The following GRID2IP variants were observed in gnomAD, a reference collection of about 807,000 sequenced individuals.
GRID2IP encodes the protein delphilin.
GRID2IP carries 78 observed loss-of-function variants against 114.3 expected under a neutral mutation model. The ratio of observed to expected loss-of-function variants is 0.68; its 90% CI spans 0.57 to 0.82. The LOEUF is 0.82. Ranked by LOEUF, GRID2IP falls within the 40% of genes least tolerant of loss-of-function variation. GRID2IP has a pLI of 0.00. For synonymous variants in GRID2IP, 809 were observed against 724.0 expected (o/e 1.12, Z -1.89); for missense variants, 1,727 against 1,678.5 (o/e 1.03, Z -0.51).
chr7:6,498,677 C>T (rs1173064166), intron 20 of GRID2IP, among the ~76,000 whole-genome samples: 1 of 149,000 alleles, frequency 6.7e-6, no homozygotes, highest in Non-Finnish European at 1.5e-5. Context: ...GCCTCTACCT[C>T]CCAGGCTCAA....
intron 1 of GRID2IP, among the ~76,000 whole-genome samples, chr7:6,542,127 C>T (rs1458635353): frequency 6.6e-6 from 1 of 151,834 alleles, no homozygotes; most frequent in Non-Finnish European, 1.5e-5. Flanking sequence ...CATGGTGAAA[C>T]CCCGTCTCTA....
In GRID2IP at chr7:6,526,215, A is replaced by G. The variant is rs758308205; in HGVS notation, c.919+9T>C. ...TAGGGACTCTTAGGGCAACCGGCCC[A>G]CCCCTCACCAGGCAGGACAGACTCG... On this transcript the variant is annotated intron_variant, in intron 4 of 21. Transcript: ENST00000457091. This position sits in a 1 kb window ranked among gnomAD's most constrained non-coding sequence, Gnocchi z 7.6. The G allele has an allele frequency of 4.5e-6, 7 of 1,550,912 alleles. No individual in the cohort carries two copies. The African/African-American group carries it at 8.2e-5, about 18-fold the overall frequency.
chr7:6,527,163 T>C (rs1449241334), intron 2 of GRID2IP, among the ~76,000 whole-genome samples: 1 of 151,976 alleles, frequency 6.6e-6, no homozygotes, highest in African/African-American at 2.4e-5. Context: ...CACCACCCAC[T>C]GTCTCCCACC....
Position 6,509,770 on chromosome 7 carries a change from C to T in GRID2IP, c.1772-457G>A, listed in dbSNP as rs1271986633. ...GCTGGTACAACGCGTTGCACTTGAT[C>T]ATTTATCCAATAACCACTTGCTAAC... On this transcript the variant is annotated intron_variant, in intron 11 of 21. Transcript: ENST00000457091. The surrounding 1 kb of genome is among the most constrained non-coding windows in gnomAD (Gnocchi z 4.9). Among the ~76,000 whole-genome samples, 2 of 152,236 alleles carry T rather than the reference C, an allele frequency of 1.3e-5. No individual in the cohort carries two copies. Among genetic ancestry groups the T allele is most frequent in the Non-Finnish European group, 2.9e-5 (2 of 68,042 alleles).
At position 6,540,366 on chromosome 7, in the gene GRID2IP, C is replaced by T. The variant is rs1000489832; in HGVS notation, c.430-494G>A. Among the ~76,000 whole-genome samples the T allele has an allele frequency of 3.9e-5, 6 of 152,226 alleles. No homozygotes were observed. The South Asian group carries it at 1.0e-3, about 26-fold the overall frequency. Reference sequence around the variant, plus strand: ...ACCTCAGGTGATCCGCCCGCCTCGGCCTCCCAAGGTGCTGGGATTACAAGC... The same window carrying T: ...ACCTCAGGTGATCCGCCCGCCTCGGTCTCCCAAGGTGCTGGGATTACAAGC... On this transcript the variant is annotated intron_variant, in intron 1 of 21. Coordinates refer to ENST00000457091, the MANE Select transcript of GRID2IP (RefSeq NM_001145118.2).
chr7:6,540,404 G>A (rs891514832), intron 1 of GRID2IP, among the ~76,000 whole-genome samples: 2 of 151,258 alleles, frequency 1.3e-5, no homozygotes, highest in South Asian at 2.1e-4. Flanking sequence ...GAGCCACCGC[G>A]GCCGGCCATA....
Position 6,501,820 on chromosome 7 carries a change from A to T in GRID2IP, c.3360T>A (p.Ile1120=). The T allele has an allele frequency of 6.4e-7, 1 of 1,551,468 alleles. No homozygotes were observed. The highest frequency in any genetic ancestry group is 8.7e-7 in the Non-Finnish European group (1 of 1,146,950). The change falls in exon 20 of 22, where the codon ATT becomes ATA. Residue 1120 remains isoleucine, a synonymous_variant. Transcript: ENST00000457091. ...ISEIQDACQS[I]SPSSEDKFAM... ...CAAACTTGTCCTCGCTAGAGGGGGA[A>T]ATGCTCTGGCAGGCATCCTGTATCT...
chr7:6,504,768 C>T (rs974118344), intron 15 of GRID2IP, 25 bp downstream of exon 15: 2 of 1,540,948 alleles, frequency 1.3e-6, no homozygotes, highest in East Asian at 2.5e-5. Flanking sequence ...CCCCCTACAC[C>T]CCCTGGGGTT....
intron 2 of GRID2IP, among the ~76,000 whole-genome samples, chr7:6,529,744 T>C (rs1054907542): frequency 3.9e-5 from 6 of 152,124 alleles, no homozygotes; most frequent in Non-Finnish European, 8.8e-5. Context: ...TGAGTGGCAG[T>C]CCAGCAATCA....
chr7:6,504,659 G>A (rs1786523885), intron 15 of GRID2IP, 134 bp downstream of exon 15: 2 of 686,164 alleles, frequency 2.9e-6, no homozygotes, highest in Non-Finnish European at 5.0e-6. Flanking sequence ...CTGGGAGGGG[G>A]CCTTCACCGC....
At chr7:6,535,176 C>T (rs6946362) in intron 2 of GRID2IP, among the ~76,000 whole-genome samples, 85,358 of 150,970 alleles carry the variant, frequency 0.57, 25,951 homozygotes, top group Non-Finnish European at 0.69. Flanking sequence ...TGAGCCACCG[C>T]GCCGGGCCTT....
Position 6,519,663 on chromosome 7 carries a change from A to C in GRID2IP, c.1268+915T>G, listed in dbSNP as rs1415975298. ...TCCCAGCTACTTGGGAGGCTGAGGCAGGAGAATCGCTTGAGTCCGGGAGGT... is the reference window on the plus strand; with the variant it reads ...TCCCAGCTACTTGGGAGGCTGAGGCCGGAGAATCGCTTGAGTCCGGGAGGT... On this transcript the variant is annotated intron_variant, in intron 7 of 21. Transcript: ENST00000457091. This position sits in a 1 kb window ranked among gnomAD's most constrained non-coding sequence, Gnocchi z 4.1. Among the ~76,000 whole-genome samples the C allele has an allele frequency of 2.0e-5, 3 of 151,716 alleles. No individual in the cohort carries two copies. Among genetic ancestry groups the C allele is most frequent in the African/African-American group, 7.3e-5 (3 of 41,308 alleles).
chr7:6,550,976 T>TGA, intron 1 of GRID2IP, 32 bp downstream of exon 1: 40 of 1,015,690 alleles, frequency 3.9e-5, no homozygotes, highest in South Asian at 9.1e-5. Flanking sequence ...GCCCCCTCCT[T>TGA]CCCGCCCCCA....
rs1004589729 is a variant in GRID2IP at position 6,508,798 on chromosome 7, C to T, written c.2127+160G>A. 2.1e-4 allele frequency among the ~76,000 whole-genome samples: 32 copies of T among 152,092 alleles called. No homozygotes were observed. Among genetic ancestry groups the T allele is most frequent in the Non-Finnish European group, 2.8e-4 (19 of 67,994 alleles). ...TAACCTTGAACAGGAGATAGGGTAA[C>T]CTGGGGCAAGGGGTGGGATAGCTTG... On this transcript the variant is annotated intron_variant, in intron 12 of 21. Coordinates refer to ENST00000457091, the MANE Select transcript of GRID2IP (RefSeq NM_001145118.2). This position sits in a 1 kb window ranked among gnomAD's most constrained non-coding sequence, Gnocchi z 5.6.
intron 7 of GRID2IP, 58 bp from the exon 8 acceptor site, chr7:6,514,587 G>T (rs1779255581): frequency 2.1e-6 from 3 of 1,401,644 alleles, no homozygotes; most frequent in Non-Finnish European, 2.8e-6. Flanking sequence ...ATGATGCACA[G>T]AGTGGGGGTA....
chr7:6,502,729 C>A (rs1229884487), intron 18 of GRID2IP, 57 bp downstream of exon 18: 2 of 1,282,390 alleles, frequency 1.6e-6, no homozygotes, highest in East Asian at 5.0e-5. Flanking sequence ...CTAGGCCTGG[C>A]GTTAGCGCCT....
At chr7:6,505,061 C>T (rs995187912) in intron 14 of GRID2IP, among the ~76,000 whole-genome samples, 191 bp from the exon 15 acceptor site, 2 of 152,198 alleles carry the variant, frequency 1.3e-5, no homozygotes, top group African/African-American at 4.8e-5. Context: ...CCTCCCCCGC[C>T]CCGTGTCCTG....
chr7:6,549,768 C>T lies in GRID2IP; in HGVS notation c.429+1240G>A, dbSNP rs574854960. Among the ~76,000 whole-genome samples the T allele has an allele frequency of 1.3e-4, 19 of 151,596 alleles. No homozygotes were observed. The South Asian group carries it at 1.9e-3, about 15-fold the overall frequency. On this transcript the variant is annotated intron_variant, in intron 1 of 21. Transcript: ENST00000457091. ...CCTTGAGTATCTGGCACCACAGGCG[C>T]GCGCCACCACACCTGGCTGGTTTTT...
chr7:6,502,345 C>T (rs948094115), intron 18 of GRID2IP, among the ~76,000 whole-genome samples: 5 of 152,144 alleles, frequency 3.3e-5, no homozygotes, highest in Non-Finnish European at 5.9e-5. Flanking sequence ...CCACCTCAGT[C>T]TCCCAAGTAG....
Sources: allele counts gnomAD v4.1 joint callset (sites outside exome capture counted in the v4.1 genomes callset), GRCh38; gene constraint gnomAD v4.1.1; non-coding constraint Gnocchi (gnomAD v3.1); transcripts MANE v1.5; gene names NCBI Gene and HGNC (gene_info 2026-07-23, HGNC 2026-07-21).